Variants in SLC35F4 observed in about 807,000 individuals in gnomAD.
The protein encoded by SLC35F4 is solute carrier family 35 member F4.
Under a neutral mutation model 44.2 loss-of-function variants are expected in SLC35F4, and 24 were observed. The ratio of observed to expected loss-of-function variants is 0.54; its 90% CI spans 0.39 to 0.76. SLC35F4 has a LOEUF of 0.76. Ranked by LOEUF, SLC35F4 falls within the 30% of genes least tolerant of loss-of-function variation. The pLI is 0.00. For missense variants in SLC35F4, 562 were observed against 586.1 expected (o/e 0.96, Z 0.42); for synonymous variants, 238 against 223.6 (o/e 1.06, Z -0.57).
intron 1 of SLC35F4, among the ~76,000 whole-genome samples, chr14:57,691,217 C>T (rs967764725): frequency 1.3e-5 from 2 of 152,154 alleles, no homozygotes; most frequent in Non-Finnish European, 2.9e-5. Flanking sequence ...ACCTCATGCT[C>T]ACTTTCTGCC....
At chr14:57,586,574 C>A (rs895841313) in intron 3 of SLC35F4, among the ~76,000 whole-genome samples, 1 of 151,324 alleles carries the variant, frequency 6.6e-6, no homozygotes, top group Non-Finnish European at 1.5e-5. Flanking sequence ...AAAAATTAGC[C>A]GGGCGTGGTG....
intron 1 of SLC35F4, among the ~76,000 whole-genome samples, chr14:57,782,129 G>C (rs566431318): frequency 1.3e-5 from 2 of 152,214 alleles, no homozygotes; most frequent in South Asian, 4.1e-4. Flanking sequence ...AGTTATCAAG[G>C]ACAGTTTAAC....
At chr14:57,770,307 A>G (rs192978561) in intron 1 of SLC35F4, among the ~76,000 whole-genome samples, 12 of 152,306 alleles carry the variant, frequency 7.9e-5, no homozygotes, top group African/African-American at 2.9e-4. Flanking sequence ...ATATCTGTCT[A>G]TGGTCTATTT....
At chr14:57,860,639 C>T (rs148720134) in intron 1 of SLC35F4, among the ~76,000 whole-genome samples, 2 of 152,146 alleles carry the variant, frequency 1.3e-5, no homozygotes, top group Non-Finnish European at 2.9e-5. Flanking sequence ...TACAAACACA[C>T]AAAAAAGAAT....
In SLC35F4 at chr14:57,950,352, C is replaced by T. The variant is rs7154383; in HGVS notation, n.282+31561G>A. Among the ~76,000 whole-genome samples, 26 of 151,718 alleles carry T rather than the reference C, an allele frequency of 1.7e-4. 1 individual carries two copies. In the East Asian group the frequency reaches 2.1e-3, roughly 12 times the overall value. ...TTCCACTGCATTTTGTATTTCTTTA[C>T]GTGTGTCTTTCATTTCCAGAAGCTG... On this transcript the variant is annotated intron_variant and non_coding_transcript_variant, in intron 1 of 1. Transcript: ENST00000556568.
At chr14:57,737,864 T>C (rs561416047) in intron 1 of SLC35F4, among the ~76,000 whole-genome samples, 18 of 152,298 alleles carry the variant, frequency 1.2e-4, no homozygotes, top group Non-Finnish European at 2.5e-4. Flanking sequence ...ATGCAACTAA[T>C]TGGATCTTCA....
chr14:57,806,851 C>A (rs1197626849), intron 1 of SLC35F4, among the ~76,000 whole-genome samples: 1 of 152,098 alleles, frequency 6.6e-6, no homozygotes, highest in East Asian at 1.9e-4. Flanking sequence ...GTTTGTATTT[C>A]CAAAGCAAAC....
chr14:57,862,790 T>C (rs1887793304), intron 1 of SLC35F4, among the ~76,000 whole-genome samples: 1 of 152,252 alleles, frequency 6.6e-6, no homozygotes, highest in African/African-American at 2.4e-5. Flanking sequence ...TATCCTGTTG[T>C]AATTTTTCAA....
intron 1 of SLC35F4, chr14:57,837,722 A>C (rs573667247): frequency 9.9e-5 from 15 of 152,182 alleles, no homozygotes; most frequent in Non-Finnish European, 1.9e-4. Context: ...TCCAAAGCCA[A>C]TCTTCCCTAG....
intron 1 of SLC35F4, among the ~76,000 whole-genome samples, chr14:57,804,087 G>A (rs1323749630): frequency 6.6e-6 from 1 of 152,094 alleles, no homozygotes; most frequent in African/African-American, 2.4e-5. Flanking sequence ...TCTTTGAGGA[G>A]AACTACAAAC....
At chr14:57,661,124 T>A (rs2140236430) in intron 1 of SLC35F4, among the ~76,000 whole-genome samples, 1 of 152,290 alleles carries the variant, frequency 6.6e-6, no homozygotes, top group South Asian at 2.1e-4. Context: ...GGAGTAACCC[T>A]TTCAGGCCTT....
intron 1 of SLC35F4, among the ~76,000 whole-genome samples, chr14:57,875,374 T>C (rs762376566): frequency 3.3e-5 from 5 of 152,238 alleles, no homozygotes; most frequent in Non-Finnish European, 7.3e-5. Context: ...AGTAGTGTTA[T>C]TGTCTAGCTT....
chr14:57,701,306 C>T (rs1259396691), intron 1 of SLC35F4, among the ~76,000 whole-genome samples: 1 of 152,146 alleles, frequency 6.6e-6, no homozygotes, highest in Non-Finnish European at 1.5e-5. Flanking sequence ...CTGTCATCTC[C>T]TATGATAACA....
chr14:57,589,242 T>G lies in SLC35F4; in HGVS notation c.561A>C (p.Glu187Asp), dbSNP rs775905439. The change falls in exon 3 of 8, where the codon GAA becomes GAC. Residue 187 changes from glutamate to aspartate, a missense_variant. Glu to Asp is a conservative substitution (Grantham distance 45, BLOSUM62 2). Transcript: ENST00000556826. ...TGAATTTTTTCATTGGAGATTGCTT[T>G]TCTTGAGCAGTGGCTAGATGACCAG... ...YYSGHLATAQ[E>D]KQSPMKKFRE... 3.1e-6 allele frequency: 5 copies of G among 1,610,318 alleles called. No individual in the cohort carries two copies. The South Asian group carries it at 5.5e-5, about 18-fold the overall frequency.
At chr14:57,929,656 C>T (rs1594632307) in intron 1 of SLC35F4, among the ~76,000 whole-genome samples, 1 of 152,162 alleles carries the variant, frequency 6.6e-6, no homozygotes, top group South Asian at 2.1e-4. Context: ...ATTACCAGAA[C>T]ATCCAGAGTT....
chr14:57,966,620 T>C (rs1272671152), intron 1 of SLC35F4, among the ~76,000 whole-genome samples: 3 of 152,066 alleles, frequency 2.0e-5, no homozygotes, highest in African/African-American at 7.2e-5. Flanking sequence ...TTCTTAGAAA[T>C]TAAAAATCTG....
At chr14:57,723,442 C>G (rs2076132754) in intron 1 of SLC35F4, among the ~76,000 whole-genome samples, 1 of 152,186 alleles carries the variant, frequency 6.6e-6, no homozygotes, top group Non-Finnish European at 1.5e-5. Context: ...TGATTTTCAC[C>G]ACATCCCTGT....
chr14:57,760,413 A>T (rs949825894), intron 1 of SLC35F4, among the ~76,000 whole-genome samples: 2 of 152,110 alleles, frequency 1.3e-5, no homozygotes, highest in African/African-American at 2.4e-5. Flanking sequence ...CCAATACCAT[A>T]CTGTTTTTAT....
At chr14:57,744,652 C>T (rs1291519357) in intron 1 of SLC35F4, among the ~76,000 whole-genome samples, 1 of 152,120 alleles carries the variant, frequency 6.6e-6, no homozygotes, top group African/African-American at 2.4e-5. Flanking sequence ...CCATACTGTC[C>T]AAGGTAATTT....
Sources: gnomAD v4.1 joint callset for allele counts (sites outside exome capture counted in the v4.1 genomes callset) on GRCh38, gnomAD v4.1.1 for gene constraint, MANE v1.5 for transcripts, NCBI Gene and HGNC (gene_info 2026-07-23, HGNC 2026-07-21) for gene names.